Variants in TOMM20L observed in about 807,000 individuals in gnomAD.
The protein encoded by TOMM20L is TOMM20-like protein 1.
In TOMM20L, 19 loss-of-function variants were observed where a neutral mutation model predicts 20.4. The ratio of observed to expected loss-of-function variants is 0.93; its 90% CI spans 0.65 to 1.36. TOMM20L has a LOEUF of 1.36. Ranked by LOEUF, TOMM20L falls within the 40% of genes most tolerant of loss-of-function variation. The pLI is 0.00. For missense variants in TOMM20L, 218 were observed against 203.7 expected (o/e 1.07, Z -0.43); for synonymous variants, 75 against 79.6 (o/e 0.94, Z 0.30).
chr14:58,402,628 C>T (rs935924610), intron 2 of TOMM20L, 52 bp from the exon 3 acceptor site: 13 of 1,350,346 alleles, frequency 9.6e-6, no homozygotes, highest in Non-Finnish European at 1.3e-5. Context: ...TGATCAGTAG[C>T]CATATACCTT....
downstream of TOMM20L, among the ~76,000 whole-genome samples, chr14:58,411,403 G>A (rs185000958): frequency 9.9e-5 from 15 of 151,566 alleles, no homozygotes; most frequent in African/African-American, 3.1e-4. Flanking sequence ...AACCAAGATC[G>A]TGCCACTGCA....
chr14:58,406,177 T>C (rs1400933731), intron 3 of TOMM20L, among the ~76,000 whole-genome samples: 1 of 152,216 alleles, frequency 6.6e-6, no homozygotes, highest in African/African-American at 2.4e-5. Context: ...ATAATTTTGA[T>C]TGAAATTTCT....
At chr14:58,416,449 A>G in the TOMM20L span, among the ~76,000 whole-genome samples, 1 of 152,188 alleles carries the variant, frequency 6.6e-6, no homozygotes, top group East Asian at 1.9e-4. Context: ...AGTGAAAACA[A>G]CCTTGAGAAA....
At chr14:58,408,723 G>A, downstream of TOMM20L, 1 of 816,220 alleles carries the variant, frequency 1.2e-6, no homozygotes, top group South Asian at 2.1e-5. Context: ...CACATAAGTT[G>A]CTTTAAAATT....
intron 2 of TOMM20L, among the ~76,000 whole-genome samples, chr14:58,401,487 G>A (rs1237550151): frequency 4.0e-5 from 6 of 151,280 alleles, no homozygotes; most frequent in African/African-American, 4.9e-5. Flanking sequence ...GGAGAATGGC[G>A]TGAACCTGGG....
the TOMM20L span, among the ~76,000 whole-genome samples, chr14:58,414,724 G>A: frequency 4.2e-5 from 5 of 119,552 alleles, no homozygotes; most frequent in African/African-American, 1.3e-4. Context: ...ACCGCATAGT[G>A]AGACGCCATC....
At position 58,401,729 on chromosome 14, in the gene TOMM20L, C is replaced by G. The variant is rs185949537; in HGVS notation, c.181-951C>G. ...TTGGGCTAGGCTTTGCACAGTGTAC[C>G]TTGAAAGACCAACCCTAGGTGTAGT... is the stretch of plus-strand genomic sequence containing the variant. On this transcript the variant is annotated intron_variant, in intron 2 of 4. Transcript: ENST00000360945. Among the ~76,000 whole-genome samples the G allele has an allele frequency of 5.3e-5, 8 of 152,300 alleles. 1 individual carries two copies. In the South Asian group the frequency reaches 6.2e-4, roughly 12 times the overall value.
downstream of TOMM20L, among the ~76,000 whole-genome samples, chr14:58,409,741 G>A (rs897045028): frequency 6.6e-6 from 1 of 151,992 alleles, no homozygotes; most frequent in Non-Finnish European, 1.5e-5. Context: ...ACCATGCCTG[G>A]CTAATTTTTT....
intron 2 of TOMM20L, 36 bp downstream of exon 2, chr14:58,396,377 G>T (rs367661644): frequency 8.5e-5 from 137 of 1,611,822 alleles, no homozygotes; most frequent in Non-Finnish European, 1.1e-4. Context: ...TAGCTCAGTA[G>T]ACGCAGGTCC....
intron 2 of TOMM20L, among the ~76,000 whole-genome samples, chr14:58,399,499 G>T (rs1274163800): frequency 5.3e-5 from 8 of 152,082 alleles, no homozygotes; most frequent in Admixed American, 2.0e-4. Flanking sequence ...GTAGGTCTGG[G>T]TGGAGTCCAA....
intron 2 of TOMM20L, among the ~76,000 whole-genome samples, chr14:58,402,406 G>T (rs543571726): frequency 6.6e-6 from 1 of 151,408 alleles, no homozygotes; most frequent in South Asian, 2.1e-4. Context: ...CTCCTGCCTC[G>T]GCCTCCTGAG....
downstream of TOMM20L, among the ~76,000 whole-genome samples, chr14:58,411,435 G>C (rs2036212350): frequency 6.6e-6 from 1 of 150,822 alleles, no homozygotes; most frequent in South Asian, 2.1e-4. Context: ...CCGACAAAGA[G>C]AGACTGTGTC....
rs1386975197 is a variant in TOMM20L, at chr14:58,396,087, C to T, written c.130C>T (p.Arg44Trp). The change falls in exon 1 of 5, where the codon CGG becomes TGG. Residue 44 changes from arginine (R) to tryptophan (W), a missense_variant. Coordinates refer to ENST00000360945, the MANE Select transcript of TOMM20L (RefSeq NM_207377.3). Reference protein sequence around the residue: ...RGDPAFKRRLRDKRRAEPQKA... With the variant: ...RGDPAFKRRLWDKRRAEPQKA... ...GGACCCCGCGTTCAAGCGCCGCCTG[C>T]GGGACAGTGAGTGGGACCGAGGCGG... 3.6e-6 allele frequency: 5 copies of T among 1,386,168 alleles called. No individual in the cohort carries two copies. Among genetic ancestry groups the T allele is most frequent in the Non-Finnish European group, 4.7e-6 (5 of 1,066,380 alleles). The allele number at this position is 1,386,168 out of a possible 1,614,324, so 85.9% of individuals were successfully genotyped here.
At chr14:58,402,873 C>A in intron 3 of TOMM20L, 112 bp downstream of exon 3, 1 of 760,264 alleles carries the variant, frequency 1.3e-6, no homozygotes. Flanking sequence ...CAACTCCCCT[C>A]ATTAAAGAAA....
chr14:58,414,441 A>T, the TOMM20L span, among the ~76,000 whole-genome samples: 72 of 152,206 alleles, frequency 4.7e-4, no homozygotes, highest in African/African-American at 1.6e-3. Flanking sequence ...TTATCCTATA[A>T]AATCACAATA....
At chr14:58,407,535 C>T (rs1231720062) in intron 4 of TOMM20L, 67 bp downstream of exon 4, 9 of 1,479,502 alleles carry the variant, frequency 6.1e-6, no homozygotes. Flanking sequence ...CTTGACTACA[C>T]AGAAATATCA....
At chr14:58,411,053 T>C (rs192547300), downstream of TOMM20L, 192 of 702,926 alleles carry the variant, frequency 2.7e-4, no homozygotes, top group Admixed American at 2.1e-3. Context: ...CTTGAAATCA[T>C]AGTTATTATG....
chr14:58,404,968 ATT>A (rs536048633), intron 3 of TOMM20L, among the ~76,000 whole-genome samples: 14 of 143,236 alleles, frequency 9.8e-5, no homozygotes, highest in Admixed American at 2.1e-4. Flanking sequence ...CCCCCTAGCA[ATT>A]TTTTTTTTTT....
downstream of TOMM20L, among the ~76,000 whole-genome samples, chr14:58,411,155 T>C (rs2036201717): frequency 6.6e-6 from 1 of 152,160 alleles, no homozygotes; most frequent in Non-Finnish European, 1.5e-5. Flanking sequence ...AGATTAAAAA[T>C]ACATATGCTT....
Sources: allele counts gnomAD v4.1 joint callset (sites outside exome capture counted in the v4.1 genomes callset), GRCh38; gene constraint gnomAD v4.1.1; transcripts MANE v1.5; gene names NCBI Gene and HGNC (gene_info 2026-07-23, HGNC 2026-07-21).